The following PLCB1 variants were observed in gnomAD, a reference collection of about 807,000 sequenced individuals.
PLCB1 encodes 1-phosphatidylinositol 4,5-bisphosphate phosphodiesterase beta-1.
In PLCB1, 46 loss-of-function variants were observed where a neutral mutation model predicts 161.8. That is an observed-to-expected ratio of 0.28 (90% CI 0.22 to 0.36). The LOEUF (loss-of-function observed/expected upper bound fraction) is 0.36, where lower values mean the gene tolerates loss of function less well. Ranked by LOEUF, PLCB1 falls within the 10% of genes least tolerant of loss-of-function variation. The pLI, the probability that PLCB1 is intolerant of heterozygous loss-of-function variation, is 1.00. For missense variants in PLCB1, 1,016 were observed against 1,472.5 expected, an observed-to-expected ratio of 0.69 and a Z score of 5.07; for synonymous variants, 517 against 503.7, an observed-to-expected ratio of 1.03 and a Z score of -0.35.
chr20:8,339,461 C>T (rs955533351), intron 2 of PLCB1, among the ~76,000 whole-genome samples: 1 of 152,182 alleles, frequency 6.6e-6, no homozygotes, highest in African/African-American at 2.4e-5. Flanking sequence ...AAGACCAGCT[C>T]ATTTACTCCC....
intron 2 of PLCB1, among the ~76,000 whole-genome samples, chr20:8,370,640 T>C (rs1282884285): frequency 1.3e-5 from 2 of 152,180 alleles, no homozygotes; most frequent in Non-Finnish European, 2.9e-5. Flanking sequence ...CCAAGCTTAA[T>C]GATTTCTCAT....
intron 2 of PLCB1, among the ~76,000 whole-genome samples, chr20:8,205,744 A>G (rs990883342): frequency 2.0e-5 from 3 of 152,120 alleles, no homozygotes; most frequent in Non-Finnish European, 4.4e-5. Flanking sequence ...ATTCTGAATT[A>G]TTTACAGGTA....
intron 7 of PLCB1, among the ~76,000 whole-genome samples, chr20:8,650,247 C>G (rs371613572): frequency 4.5e-4 from 69 of 151,822 alleles, no homozygotes; most frequent in Non-Finnish European, 7.4e-4. Context: ...GTATGAACAC[C>G]GGACCAAATT....
chr20:8,170,770 A>G (rs1024637167), intron 2 of PLCB1, among the ~76,000 whole-genome samples: 1 of 152,218 alleles, frequency 6.6e-6, no homozygotes, highest in African/African-American at 2.4e-5. Context: ...GCTGAGCCAT[A>G]TGAAACAGCC....
chr20:8,415,663 C>T (rs1011100852), intron 3 of PLCB1, among the ~76,000 whole-genome samples: 3 of 152,206 alleles, frequency 2.0e-5, no homozygotes, highest in African/African-American at 7.2e-5. Flanking sequence ...GGGAGGAAGA[C>T]ATCAGCATGT....
chr20:8,492,705 A>G (rs1290602912), intron 3 of PLCB1, among the ~76,000 whole-genome samples: 8 of 152,206 alleles, frequency 5.3e-5, no homozygotes, highest in African/African-American at 1.2e-4. Context: ...AACTAAGAGT[A>G]TCTGTCTGGG....
chr20:8,877,148 A>G (rs2146331670), intron 31 of PLCB1, among the ~76,000 whole-genome samples: 1 of 152,242 alleles, frequency 6.6e-6, no homozygotes, highest in South Asian at 2.1e-4. Context: ...AGAGTACAAA[A>G]CCCAGAATAT....
chr20:8,420,351 T>TA lies in PLCB1; in HGVS notation c.246+48902dup, dbSNP rs1163843748. On this transcript the variant is annotated intron_variant, in intron 3 of 31. Coordinates refer to ENST00000338037, the MANE Select transcript of PLCB1 (RefSeq NM_015192.4). Reference sequence around the variant, plus strand: ...TAAATATTCAGTGAACCACTGGGCTTATTCAGGATTATTTGAAACTATAAA... The same window carrying TA: ...TAAATATTCAGTGAACCACTGGGCTTAATTCAGGATTATTTGAAACTATAAA... Among the ~76,000 whole-genome samples the TA allele has an allele frequency of 1.2e-3, 189 of 152,212 alleles. 1 individual carries two copies. The highest frequency in any genetic ancestry group is 2.6e-4 in the Non-Finnish European group (18 of 68,036).
chr20:8,849,440 C>T (rs923686169), intron 31 of PLCB1, among the ~76,000 whole-genome samples: 8 of 152,064 alleles, frequency 5.3e-5, no homozygotes, highest in Non-Finnish European at 4.4e-5. Flanking sequence ...CTTTGGGAGG[C>T]CGAGGCAGGC....
chr20:8,248,308 A>G (rs1980979453), intron 2 of PLCB1, among the ~76,000 whole-genome samples: 1 of 151,846 alleles, frequency 6.6e-6, no homozygotes, highest in South Asian at 2.1e-4. Flanking sequence ...TCACCTCCCA[A>G]GCACTTCCAG....
At chr20:8,617,509 T>G (rs1296277245) in intron 3 of PLCB1, among the ~76,000 whole-genome samples, 1 of 152,150 alleles carries the variant, frequency 6.6e-6, no homozygotes, top group African/African-American at 2.4e-5. Context: ...GTTGGGAGTA[T>G]TTACACCATG....
intron 2 of PLCB1, among the ~76,000 whole-genome samples, chr20:8,302,054 A>G (rs1983934509): frequency 6.6e-6 from 1 of 152,230 alleles, no homozygotes; most frequent in Admixed American, 6.5e-5. Context: ...AGTAAATGTG[A>G]AATACTTTGA....
intron 4 of PLCB1, among the ~76,000 whole-genome samples, chr20:8,632,856 G>A (rs1437897757): frequency 6.6e-6 from 1 of 152,108 alleles, no homozygotes; most frequent in Non-Finnish European, 1.5e-5. Flanking sequence ...GCTGTAGGAT[G>A]GCATAGGCTT....
chr20:8,192,322 G>A (rs972554184), intron 2 of PLCB1, among the ~76,000 whole-genome samples: 4 of 151,732 alleles, frequency 2.6e-5, no homozygotes, highest in Admixed American at 2.6e-4. Flanking sequence ...TTTCTTGCCC[G>A]AGAAGCTAAT....
chr20:8,838,526 T>C (rs1986376723), intron 31 of PLCB1, among the ~76,000 whole-genome samples: 3 of 152,222 alleles, frequency 2.0e-5, no homozygotes, highest in Admixed American at 6.5e-5. Flanking sequence ...ATACTTGGAA[T>C]AGATAAATTC....
chr20:8,193,754 C>A (rs1461708733), intron 2 of PLCB1, among the ~76,000 whole-genome samples: 2 of 151,864 alleles, frequency 1.3e-5, no homozygotes, highest in African/African-American at 4.8e-5. Context: ...TTTATTCTCC[C>A]AATTGTTTTT....
intron 3 of PLCB1, among the ~76,000 whole-genome samples, chr20:8,477,590 T>C (rs928231746): frequency 3.3e-5 from 5 of 152,346 alleles, no homozygotes; most frequent in Middle Eastern, 3.4e-3. Flanking sequence ...TTCGTGGTTC[T>C]GCAGGCTGTA....
chr20:8,773,279 A>G (rs753360807), intron 26 of PLCB1, among the ~76,000 whole-genome samples: 17 of 152,194 alleles, frequency 1.1e-4, no homozygotes, highest in Non-Finnish European at 1.9e-4. Context: ...GATGTGTTGA[A>G]TGTCTTAGGT....
intron 2 of PLCB1, among the ~76,000 whole-genome samples, chr20:8,257,408 A>C (rs1253673409): frequency 6.6e-6 from 1 of 152,202 alleles, no homozygotes; most frequent in Non-Finnish European, 1.5e-5. Flanking sequence ...AAAAAAATCA[A>C]AATATAACAT....
Sources: gnomAD v4.1 joint callset for allele counts (sites outside exome capture counted in the v4.1 genomes callset) on GRCh38, gnomAD v4.1.1 for gene constraint, MANE v1.5 for transcripts, NCBI Gene and HGNC (gene_info 2026-07-23, HGNC 2026-07-21) for gene names.